Variants in UBXN2B observed in about 807,000 individuals in gnomAD.
UBXN2B encodes the protein UBX domain protein 2B.
A neutral mutation model predicts 37.5 loss-of-function variants in UBXN2B; 19 were observed. That is an observed-to-expected ratio of 0.51 (90% CI 0.35 to 0.74). The LOEUF (loss-of-function observed/expected upper bound fraction) is 0.74. Ranked by LOEUF, UBXN2B falls within the 30% of genes least tolerant of loss-of-function variation. The probability of loss-of-function intolerance (pLI) is 0.01; values close to 1 mark genes in which losing one functional copy is unlikely to be tolerated. For synonymous variants in UBXN2B, 145 were observed against 143.8 expected, an observed-to-expected ratio of 1.01 and a Z score of -0.06; for missense variants, 370 against 393.2, an observed-to-expected ratio of 0.94 and a Z score of 0.50.
At chr8:58,429,978 A>G (rs941373797) in intron 2 of UBXN2B, among the ~76,000 whole-genome samples, 2 of 152,178 alleles carry the variant, frequency 1.3e-5, no homozygotes, top group Non-Finnish European at 2.9e-5. Context: ...TGTCTAAATT[A>G]TTTACTTTTA....
At chr8:58,430,722 T>C (rs1808250498) in intron 3 of UBXN2B, 53 bp downstream of exon 3, 5 of 1,285,462 alleles carry the variant, frequency 3.9e-6, no homozygotes, top group Non-Finnish European at 3.0e-6. Context: ...TACCTCCTCT[T>C]TCATTTTTCT....
At chr8:58,432,424 C>T (rs1418638305) in intron 3 of UBXN2B, among the ~76,000 whole-genome samples, 1 of 125,424 alleles carries the variant, frequency 8.0e-6, no homozygotes, top group Non-Finnish European at 1.6e-5. Flanking sequence ...GCTCTGTTGC[C>T]CAGGCTGGAG....
intron 6 of UBXN2B, among the ~76,000 whole-genome samples, chr8:58,444,357 A>G (rs1322805366): frequency 1.3e-5 from 2 of 152,190 alleles, no homozygotes; most frequent in African/African-American, 4.8e-5. Context: ...TCTTTACAGC[A>G]CTGCTGCTGT....
chr8:58,439,972 G>A (rs935912833), intron 6 of UBXN2B, among the ~76,000 whole-genome samples: 1 of 151,996 alleles, frequency 6.6e-6, no homozygotes, highest in African/African-American at 2.4e-5. Flanking sequence ...TAATAATACT[G>A]TAATTAATAC....
chr8:58,413,374 A>G (rs1442846276), intron 1 of UBXN2B: 2 of 152,240 alleles, frequency 1.3e-5, no homozygotes, highest in Non-Finnish European at 2.9e-5. Context: ...GAAATAAAGT[A>G]TGTATCAAAA....
chr8:58,423,000 C>T (rs546962601), intron 2 of UBXN2B, among the ~76,000 whole-genome samples: 108 of 152,212 alleles, frequency 7.1e-4, no homozygotes, highest in South Asian at 1.7e-3. Flanking sequence ...TACTTCACAC[C>T]CTTTTTTAAA....
chr8:58,431,126 A>G (rs543505247), intron 3 of UBXN2B, among the ~76,000 whole-genome samples: 1 of 152,296 alleles, frequency 6.6e-6, no homozygotes, highest in South Asian at 2.1e-4. Context: ...CCCGTCTCTC[A>G]TGCCATCCCT....
At position 58,447,604 on chromosome 8, in the gene UBXN2B, A is replaced by G. The variant is rs2129604751; in HGVS notation, c.*53A>G. On this transcript the variant is annotated 3_prime_UTR_variant, in exon 8 of 8. Transcript: ENST00000399598. ...TGGGAATAGATGATGTGCCGTATTAATAAGGACAATACTTCAGCATTAAAA... is the reference window on the plus strand; with the variant it reads ...TGGGAATAGATGATGTGCCGTATTAGTAAGGACAATACTTCAGCATTAAAA... The G allele has an allele frequency of 6.8e-7, 1 of 1,473,344 alleles. No individual in the cohort carries two copies. The highest frequency in any genetic ancestry group is 1.4e-5 in the African/African-American group (1 of 71,870). The allele number at this position is 1,473,344 out of a possible 1,614,324, so 91.3% of individuals were successfully genotyped here.
At chr8:58,446,779 A>ATTTT (rs869090698) in intron 7 of UBXN2B, among the ~76,000 whole-genome samples, 266 of 17,394 alleles carry the variant, frequency 0.015, 107 homozygotes, top group African/African-American at 0.022. Context: ...TACAACCTGC[A>ATTTT]TTTTTTTTTT....
intron 2 of UBXN2B, among the ~76,000 whole-genome samples, chr8:58,421,874 G>A (rs1807934474): frequency 6.6e-6 from 1 of 152,294 alleles, no homozygotes; most frequent in Non-Finnish European, 1.5e-5. Flanking sequence ...AAATCTAAAT[G>A]AAATCAATAT....
chr8:58,428,358 A>G (rs1216112507), intron 2 of UBXN2B, among the ~76,000 whole-genome samples: 1 of 152,256 alleles, frequency 6.6e-6, no homozygotes, highest in Non-Finnish European at 1.5e-5. Flanking sequence ...AGTCAGCACA[A>G]TGAGATTAGA....
chr8:58,442,736 C>T (rs1267002042), intron 6 of UBXN2B, among the ~76,000 whole-genome samples: 1 of 152,150 alleles, frequency 6.6e-6, no homozygotes. Flanking sequence ...AACAAAATCA[C>T]AGAGTCATTT....
chr8:58,412,113 C>T (rs1014050488), intron 1 of UBXN2B, among the ~76,000 whole-genome samples: 1 of 152,196 alleles, frequency 6.6e-6, no homozygotes, highest in African/African-American at 2.4e-5. Context: ...TTATCAGATA[C>T]TAACGCCACT....
intron 6 of UBXN2B, among the ~76,000 whole-genome samples, chr8:58,441,620 A>G (rs1808553022): frequency 6.6e-6 from 1 of 152,108 alleles, no homozygotes; most frequent in African/African-American, 2.4e-5. Context: ...GAATTGAAGA[A>G]GGTAGCATAA....
intron 2 of UBXN2B, among the ~76,000 whole-genome samples, chr8:58,421,697 C>G (rs1277746911): frequency 1.3e-5 from 2 of 152,148 alleles, no homozygotes; most frequent in Admixed American, 1.3e-4. Flanking sequence ...CTCCATCATC[C>G]CAGCCTCTCT....
chr8:58,440,300 C>G (rs1808510542), intron 6 of UBXN2B, among the ~76,000 whole-genome samples: 1 of 152,228 alleles, frequency 6.6e-6, no homozygotes, highest in Non-Finnish European at 1.5e-5. Context: ...GCATGCATGT[C>G]TGCCATCAGT....
chr8:58,433,287 T>A, intron 4 of UBXN2B, 44 bp downstream of exon 4: 1 of 1,487,542 alleles, frequency 6.7e-7, no homozygotes, highest in Non-Finnish European at 9.2e-7. Context: ...TATTTGCTTC[T>A]AGTTACTAAA....
At chr8:58,443,573 A>G (rs1808601161) in intron 6 of UBXN2B, among the ~76,000 whole-genome samples, 1 of 151,184 alleles carries the variant, frequency 6.6e-6, no homozygotes, top group Non-Finnish European at 1.5e-5. Flanking sequence ...CAGGCAGATG[A>G]CTTGAGATTA....
At position 58,448,173 on chromosome 8, in the gene UBXN2B, CT is replaced by C. The variant is rs71248196; in HGVS notation, c.*639del. ...CAGAAACACATAAAGGTCAGCAATT[CT>C]TTTTTTTTTTTTTTTTGATATGGAG... On this transcript the variant is annotated 3_prime_UTR_variant, in exon 8 of 8. Coordinates refer to ENST00000399598, the MANE Select transcript of UBXN2B (RefSeq NM_001077619.2). 2.7e-3 allele frequency: 357 copies of C among 133,576 alleles called. No homozygotes were observed. The highest frequency in any genetic ancestry group is 4.0e-3 in the Middle Eastern group (1 of 252). The allele number at this position is 133,576 out of a possible 1,614,324, so 8.3% of individuals were successfully genotyped here.
Sources: gnomAD v4.1 joint callset for allele counts (sites outside exome capture counted in the v4.1 genomes callset) on GRCh38, gnomAD v4.1.1 for gene constraint, MANE v1.5 for transcripts, NCBI Gene and HGNC (gene_info 2026-07-23, HGNC 2026-07-21) for gene names.